Variants in MBNL1 observed in about 807,000 individuals in gnomAD.
MBNL1 encodes muscleblind-like protein 1.
Under a neutral mutation model 42.2 loss-of-function variants are expected in MBNL1, and 8 were observed. That is an observed-to-expected ratio of 0.19 (90% CI 0.11 to 0.34). The LOEUF is 0.34. Among genes scored for constraint, MBNL1 ranks in the 10% least tolerant of loss-of-function variants. The probability of loss-of-function intolerance (pLI) is 1.00; values close to 1 mark genes in which losing one functional copy is unlikely to be tolerated. For missense variants in MBNL1, 309 were observed against 495.3 expected (o/e 0.62, Z 3.57); for synonymous variants, 169 against 173.9 (o/e 0.97, Z 0.22).
intron 1 of MBNL1, among the ~76,000 whole-genome samples, chr3:152,297,894 T>A (rs2059328661): frequency 6.6e-6 from 1 of 152,100 alleles, no homozygotes; most frequent in Non-Finnish European, 1.5e-5. Flanking sequence ...GACCTTGTGA[T>A]CCACCCACCT....
intron 1 of MBNL1, among the ~76,000 whole-genome samples, chr3:152,293,905 A>G (rs1470179333): frequency 6.6e-6 from 1 of 152,110 alleles, no homozygotes; most frequent in Non-Finnish European, 1.5e-5. Context: ...GCATCTCTTT[A>G]TCTTCTATAG....
At chr3:152,290,736 A>G (rs1275274090) in intron 1 of MBNL1, among the ~76,000 whole-genome samples, 1 of 152,162 alleles carries the variant, frequency 6.6e-6, no homozygotes, top group Admixed American at 6.5e-5. Context: ...TTTGGCCCTT[A>G]GTTACTGTAT....
chr3:152,350,491 T>C (rs777865855), intron 2 of MBNL1, among the ~76,000 whole-genome samples: 1 of 152,088 alleles, frequency 6.6e-6, no homozygotes, highest in Non-Finnish European at 1.5e-5. Context: ...GAAGAGGTTG[T>C]TGTAGAGCAG....
At chr3:152,354,147 T>C (rs16864205) in intron 2 of MBNL1, among the ~76,000 whole-genome samples, 2,421 of 152,318 alleles carry the variant, frequency 0.016, 57 homozygotes, top group African/African-American at 0.055. Context: ...ATTTGATGAT[T>C]GAATTCATTT....
intron 2 of MBNL1, among the ~76,000 whole-genome samples, chr3:152,396,791 G>A (rs941865751): frequency 6.6e-6 from 1 of 152,142 alleles, no homozygotes; most frequent in Non-Finnish European, 1.5e-5. Context: ...TCTCAAAAAA[G>A]TTTGGGGATT....
At chr3:152,275,617 G>A (rs1298034373) in intron 1 of MBNL1, among the ~76,000 whole-genome samples, 2 of 151,146 alleles carry the variant, frequency 1.3e-5, no homozygotes, top group African/African-American at 4.9e-5. Flanking sequence ...CTGAGGCAGG[G>A]GGATTGCTTG....
At chr3:152,346,155 A>G (rs2094201392) in intron 2 of MBNL1, among the ~76,000 whole-genome samples, 1 of 152,112 alleles carries the variant, frequency 6.6e-6, no homozygotes, top group Admixed American at 6.6e-5. Flanking sequence ...TCCAAACTGT[A>G]CAAAAGCTTG....
intron 1 of MBNL1, among the ~76,000 whole-genome samples, chr3:152,282,932 A>C (rs561422725): frequency 6.6e-6 from 1 of 152,354 alleles, no homozygotes; most frequent in East Asian, 1.9e-4. Context: ...AGGCCAGTAC[A>C]GGAGGCTCCA....
intron 2 of MBNL1, among the ~76,000 whole-genome samples, chr3:152,325,201 G>A (rs1366110214): frequency 6.7e-6 from 1 of 149,180 alleles, no homozygotes; most frequent in African/African-American, 2.5e-5. Context: ...GTTTATATAT[G>A]GCTCATACAT....
intron 3 of MBNL1, among the ~76,000 whole-genome samples, chr3:152,431,983 A>G (rs935021936): frequency 6.6e-6 from 1 of 152,230 alleles, no homozygotes; most frequent in Non-Finnish European, 1.5e-5. Context: ...CAGTGCTGCC[A>G]TATGTATTTC....
chr3:152,393,965 A>G (rs897234202), intron 2 of MBNL1, among the ~76,000 whole-genome samples: 3 of 152,204 alleles, frequency 2.0e-5, no homozygotes, highest in African/African-American at 7.2e-5. Flanking sequence ...TGCCTAATTT[A>G]TTAAGCTATT....
At chr3:152,335,173 A>G in intron 2 of MBNL1, 1 of 1,289,696 alleles carries the variant, frequency 7.8e-7, no homozygotes, top group Non-Finnish European at 1.0e-6. Flanking sequence ...CACCATGGCA[A>G]GAAGAAGCTG....
intron 2 of MBNL1, chr3:152,338,130 A>G: frequency 1.0e-6 from 1 of 984,534 alleles, no homozygotes. Flanking sequence ...CTAAATCTCC[A>G]TACCCACTTC....
At chr3:152,400,205 C>T (rs2098153524) in intron 2 of MBNL1, among the ~76,000 whole-genome samples, 1 of 152,168 alleles carries the variant, frequency 6.6e-6, no homozygotes, top group Admixed American at 6.5e-5. Context: ...GGAGAGGATT[C>T]TACTGATAGT....
At chr3:152,392,997 A>G (rs1004315813) in intron 2 of MBNL1, among the ~76,000 whole-genome samples, 1 of 152,190 alleles carries the variant, frequency 6.6e-6, no homozygotes, top group Non-Finnish European at 1.5e-5. Flanking sequence ...CTAAGTTTCT[A>G]GAGTGCTGCT....
intron 1 of MBNL1, among the ~76,000 whole-genome samples, chr3:152,286,786 G>T (rs1362314132): frequency 6.6e-6 from 1 of 151,950 alleles, no homozygotes; most frequent in Non-Finnish European, 1.5e-5. Context: ...ATTGCTACAT[G>T]ATTGCTCTTT....
intron 2 of MBNL1, among the ~76,000 whole-genome samples, chr3:152,398,444 AT>A (rs2098081751): frequency 6.6e-6 from 1 of 152,154 alleles, no homozygotes; most frequent in African/African-American, 2.4e-5. Context: ...ATGGCTGAAT[AT>A]GTCACATTCA....
intron 2 of MBNL1, among the ~76,000 whole-genome samples, chr3:152,334,057 G>A (rs553428489): frequency 6.6e-6 from 1 of 152,268 alleles, no homozygotes; most frequent in African/African-American, 2.4e-5. Context: ...AGAGAACAGT[G>A]CTTGGCACTT....
At chr3:152,347,356 TA>T (rs1249848332) in intron 2 of MBNL1, among the ~76,000 whole-genome samples, 7 of 152,064 alleles carry the variant, frequency 4.6e-5, no homozygotes, top group African/African-American at 1.2e-4. Context: ...ATTGACACTT[TA>T]AAAAAATATA....
Sources: gnomAD v4.1 joint callset for allele counts (sites outside exome capture counted in the v4.1 genomes callset) on GRCh38, gnomAD v4.1.1 for gene constraint, MANE v1.5 for transcripts, NCBI Gene and HGNC (gene_info 2026-07-23, HGNC 2026-07-21) for gene names.